Variants in COG5 observed in about 807,000 individuals in gnomAD.
COG5 encodes the protein component of oligomeric golgi complex 5.
A neutral mutation model predicts 110.4 loss-of-function variants in COG5; 86 were observed. The observed-to-expected ratio is 0.78, with a 90% CI of 0.65 to 0.93. The LOEUF is 0.93. COG5 is among the 40% of genes least tolerant of loss of function. COG5 has a pLI of 0.00. For synonymous variants in COG5, 360 were observed against 334.6 expected, an observed-to-expected ratio of 1.08 and a Z score of -0.83; for missense variants, 1,077 against 987.0, an observed-to-expected ratio of 1.09 and a Z score of -1.22.
At chr7:107,297,857 A>C (rs929767141) in intron 12 of COG5, among the ~76,000 whole-genome samples, 7 of 152,104 alleles carry the variant, frequency 4.6e-5, no homozygotes, top group East Asian at 1.9e-4. Flanking sequence ...CATCGATTAA[A>C]ATACAATGAC....
intron 6 of COG5, among the ~76,000 whole-genome samples, chr7:107,429,899 A>T (rs1793899737): frequency 6.6e-6 from 1 of 152,060 alleles, no homozygotes; most frequent in Non-Finnish European, 1.5e-5. Flanking sequence ...TTCTTTTGTA[A>T]ATTGCTCACT....
In COG5 at chr7:107,203,844, T is replaced by C. The variant is rs548306418; in HGVS notation, c.2376-214A>G. On this transcript the variant is annotated intron_variant, in intron 21 of 21. Transcript: ENST00000297135. ...CGTTTAGTGTGAAAAACTATAACCA[T>C]GTTTTCAGTCTGCATTGTTCTTAGT... is the stretch of plus-strand genomic sequence containing the variant. 7.9e-5 allele frequency among the ~76,000 whole-genome samples: 12 copies of C among 152,316 alleles called. No homozygotes were observed. In the East Asian group the frequency reaches 1.7e-3, roughly 22 times the overall value.
chr7:107,547,959 G>A, intron 5 of COG5, 152 bp downstream of exon 5: 1 of 665,436 alleles, frequency 1.5e-6, no homozygotes, highest in South Asian at 1.9e-5. Context: ...TTTTGAGCTA[G>A]ACATCTTAAG....
intron 19 of COG5, among the ~76,000 whole-genome samples, chr7:107,224,674 T>C (rs1173122277): frequency 6.6e-6 from 1 of 152,258 alleles, no homozygotes; most frequent in African/African-American, 2.4e-5. Context: ...CACAGCTTTG[T>C]GGCCTCTGGC....
intron 6 of COG5, among the ~76,000 whole-genome samples, chr7:107,481,550 T>C (rs911772954): frequency 6.6e-6 from 1 of 152,114 alleles, no homozygotes; most frequent in African/African-American, 2.4e-5. Flanking sequence ...TCATATACTA[T>C]AAACTGAGTA....
At chr7:107,260,948 TGTTTG>T (rs1203067903) in intron 14 of COG5, among the ~76,000 whole-genome samples, 4 of 149,930 alleles carry the variant, frequency 2.7e-5, no homozygotes, top group African/African-American at 1.0e-4. Context: ...ATAGTTTTTT[TGTTTG>T]TTTGTTTTTG....
At chr7:107,484,453 C>T (rs1225247485) in intron 6 of COG5, among the ~76,000 whole-genome samples, 2 of 152,116 alleles carry the variant, frequency 1.3e-5, no homozygotes, top group African/African-American at 2.4e-5. Context: ...GATTACATGT[C>T]TCAGCATTGG....
At chr7:107,266,850 T>G (rs1382884209) in intron 14 of COG5, among the ~76,000 whole-genome samples, 1 of 152,176 alleles carries the variant, frequency 6.6e-6, no homozygotes, top group Non-Finnish European at 1.5e-5. Flanking sequence ...TCTTCATTCT[T>G]AGTTATCTCC....
At chr7:107,242,006 TCCTGAG>T (rs928390130) in intron 17 of COG5, among the ~76,000 whole-genome samples, 7 of 151,994 alleles carry the variant, frequency 4.6e-5, no homozygotes, top group Non-Finnish European at 4.4e-5. Flanking sequence ...GGTCCTGAAT[TCCTGAG>T]CTCAAGCAGT....
At chr7:107,286,388 T>C (rs1341112913) in intron 12 of COG5, among the ~76,000 whole-genome samples, 2 of 152,224 alleles carry the variant, frequency 1.3e-5, no homozygotes, top group Non-Finnish European at 2.9e-5. Context: ...ACCATGTCTA[T>C]AGTCATCCTT....
At chr7:107,345,289 T>C (rs921704668) in intron 10 of COG5, among the ~76,000 whole-genome samples, 2 of 152,228 alleles carry the variant, frequency 1.3e-5, no homozygotes, top group Admixed American at 1.3e-4. Flanking sequence ...ATTTGAAATA[T>C]TGCGACAATA....
intron 6 of COG5, among the ~76,000 whole-genome samples, chr7:107,442,686 T>C (rs1794790426): frequency 6.6e-6 from 1 of 150,528 alleles, no homozygotes; most frequent in African/African-American, 2.4e-5. Context: ...TTGTAGCATG[T>C]AATCTGTCAC....
intron 10 of COG5, among the ~76,000 whole-genome samples, chr7:107,331,498 A>C (rs1328603241): frequency 6.6e-6 from 1 of 151,988 alleles, no homozygotes; most frequent in East Asian, 1.9e-4. Flanking sequence ...TCACTCTGAT[A>C]ATAATGTGGA....
rs534928014 is a variant in COG5 at position 107,395,719 on chromosome 7, T to TA, written c.669+16782dup. Among the ~76,000 whole-genome samples the TA allele has an allele frequency of 1.1e-4, 16 of 152,134 alleles. 1 individual carries two copies. The East Asian group carries it at 3.1e-3, about 29-fold the overall frequency. ...ACAGGCATGTGCCACCACGCCTGGC[T>TA]AATCTTTGTATTTTTAGTAGAGATA... On this transcript the variant is annotated intron_variant, in intron 7 of 21. Transcript: ENST00000297135.
chr7:107,321,692 T>C (rs1215063513), intron 11 of COG5, among the ~76,000 whole-genome samples: 1 of 152,182 alleles, frequency 6.6e-6, no homozygotes, highest in Non-Finnish European at 1.5e-5. Context: ...TTTGGAGCCA[T>C]ATGTTCTAAA....
intron 10 of COG5, among the ~76,000 whole-genome samples, chr7:107,348,390 G>A (rs903170603): frequency 6.6e-6 from 1 of 151,978 alleles, no homozygotes; most frequent in Non-Finnish European, 1.5e-5. Context: ...TTGAAAGTTT[G>A]GTAGAATTTT....
intron 6 of COG5, among the ~76,000 whole-genome samples, chr7:107,506,434 A>G (rs1244698539): frequency 6.6e-6 from 1 of 151,026 alleles, no homozygotes; most frequent in Admixed American, 6.6e-5. Flanking sequence ...CCCTGCTCTG[A>G]CTCTCCACAA....
intron 12 of COG5, among the ~76,000 whole-genome samples, chr7:107,285,382 G>A (rs1805543823): frequency 6.6e-6 from 1 of 152,142 alleles, no homozygotes; most frequent in Non-Finnish European, 1.5e-5. Context: ...TTTTGGCACT[G>A]AATTATAAGA....
At chr7:107,391,576 T>G (rs1274973988) in intron 7 of COG5, among the ~76,000 whole-genome samples, 1 of 152,198 alleles carries the variant, frequency 6.6e-6, no homozygotes. Context: ...GTCATGACAC[T>G]TCCCCCTATG....
Sources: gnomAD v4.1 joint callset for allele counts (sites outside exome capture counted in the v4.1 genomes callset) on GRCh38, gnomAD v4.1.1 for gene constraint, MANE v1.5 for transcripts, NCBI Gene and HGNC (gene_info 2026-07-23, HGNC 2026-07-21) for gene names.